The following PPP3CC variants were observed in gnomAD, a reference collection of about 807,000 sequenced individuals.
PPP3CC encodes protein phosphatase 3 catalytic subunit gamma.
A neutral mutation model predicts 60.3 loss-of-function variants in PPP3CC; 35 were observed. The ratio of observed to expected loss-of-function variants is 0.58; its 90% CI spans 0.44 to 0.77. The LOEUF (loss-of-function observed/expected upper bound fraction) is 0.77. Among genes scored for constraint, PPP3CC ranks in the 30% least tolerant of loss-of-function variants. The pLI is 0.00. For missense variants in PPP3CC, 570 were observed against 628.9 expected, an observed-to-expected ratio of 0.91 and a Z score of 1.00; for synonymous variants, 206 against 224.3, an observed-to-expected ratio of 0.92 and a Z score of 0.73.
At chr8:22,466,239 A>C (rs1837519204) in intron 1 of PPP3CC, among the ~76,000 whole-genome samples, 1 of 152,186 alleles carries the variant, frequency 6.6e-6, no homozygotes, top group Non-Finnish European at 1.5e-5. Context: ...TCTATCATTG[A>C]TGGACATTTG....
chr8:22,513,440 A>G lies in PPP3CC; in HGVS notation c.770+8A>G. On this transcript the variant is annotated splice_region_variant and intron_variant, in intron 6 of 13. Transcript: ENST00000240139. ...GTGCTCTTATTTCTACAGGTAAGCT[A>G]GTCCTTGAGGTCGAAAATTATGAAA... is the stretch of plus-strand genomic sequence containing the variant. 1.3e-6 allele frequency: 2 copies of G among 1,575,634 alleles called. No homozygotes were observed. The highest frequency in any genetic ancestry group is 8.6e-7 in the Non-Finnish European group (1 of 1,166,670).
chr8:22,501,087 A>T lies in PPP3CC; in HGVS notation c.484+2975A>T, dbSNP rs1261190571. 2.0e-5 allele frequency among the ~76,000 whole-genome samples: 3 copies of T among 152,190 alleles called. No homozygotes were observed. In the East Asian group the frequency reaches 5.8e-4, roughly 29 times the overall value. On this transcript the variant is annotated intron_variant, in intron 4 of 13. Transcript: ENST00000240139. ...TGAGGTGGGAGGATCACCTGAGCTC[A>T]GGAGTTTGTGGCTATAGTGAGTTGT...
At chr8:22,482,806 TC>T (rs1181033947) in intron 3 of PPP3CC, among the ~76,000 whole-genome samples, 2 of 152,222 alleles carry the variant, frequency 1.3e-5, no homozygotes, top group East Asian at 3.8e-4. Flanking sequence ...TATGAATGTT[TC>T]AATTCAGCTA....
chr8:22,527,598 C>G, intron 9 of PPP3CC, 81 bp downstream of exon 9: 1 of 1,447,966 alleles, frequency 6.9e-7, no homozygotes, highest in Non-Finnish European at 9.3e-7. Context: ...CTCCATGATT[C>G]AGAAATGTTT....
intron 1 of PPP3CC, among the ~76,000 whole-genome samples, chr8:22,462,250 GAAA>G (rs955507554): frequency 7.3e-5 from 11 of 151,550 alleles, no homozygotes; most frequent in African/African-American, 1.5e-4. Flanking sequence ...CTCTTAAAAA[GAAA>G]AAAAATAAGG....
chr8:22,449,090 G>A lies in PPP3CC; in HGVS notation c.49+7632G>A, dbSNP rs545534926. Among the ~76,000 whole-genome samples the A allele has an allele frequency of 6.6e-5, 10 of 152,132 alleles. No individual in the cohort carries two copies. The South Asian group carries it at 1.2e-3, about 19-fold the overall frequency. On this transcript the variant is annotated intron_variant, in intron 1 of 13. Coordinates refer to ENST00000240139, the MANE Select transcript of PPP3CC (RefSeq NM_005605.5). Reference sequence around the variant, plus strand: ...TGCACTACTGTGTTCCAGCTTGGGTGACACAGTGAGCACCCATCTCTATTT... The same window carrying A: ...TGCACTACTGTGTTCCAGCTTGGGTAACACAGTGAGCACCCATCTCTATTT...
chr8:22,475,256 C>T, intron 2 of PPP3CC, 105 bp downstream of exon 2: 9 of 1,155,212 alleles, frequency 7.8e-6, no homozygotes, highest in Non-Finnish European at 1.1e-5. Flanking sequence ...GGTAATTTTT[C>T]TAGAAATTAT....
intron 1 of PPP3CC, among the ~76,000 whole-genome samples, chr8:22,462,759 C>T (rs1429064052): frequency 6.6e-6 from 1 of 151,862 alleles, no homozygotes; most frequent in Admixed American, 6.6e-5. Flanking sequence ...TTAGTAGGGA[C>T]GGGGTTTCAC....
chr8:22,472,938 C>T (rs1014399375), intron 1 of PPP3CC, among the ~76,000 whole-genome samples: 3 of 152,072 alleles, frequency 2.0e-5, no homozygotes, highest in Admixed American at 6.6e-5. Flanking sequence ...AGGAGTTTTT[C>T]AGCTCCATTT....
At chr8:22,531,195 T>A (rs1250928619) in intron 10 of PPP3CC, 23 of 1,071,772 alleles carry the variant, frequency 2.1e-5, no homozygotes, top group Non-Finnish European at 3.0e-5. Context: ...GTTTCTCTCA[T>A]TGCATTTCAC....
chr8:22,488,296 A>T (rs1194915225), intron 3 of PPP3CC, among the ~76,000 whole-genome samples: 1 of 152,220 alleles, frequency 6.6e-6, no homozygotes, highest in East Asian at 1.9e-4. Context: ...AAAGCCACAC[A>T]AGGTTATTTA....
intron 4 of PPP3CC, among the ~76,000 whole-genome samples, chr8:22,505,501 A>G (rs1838888931): frequency 6.6e-6 from 1 of 152,142 alleles, no homozygotes; most frequent in Admixed American, 6.5e-5. Flanking sequence ...AGATTGATCT[A>G]ATTAGATTGT....
chr8:22,462,687 C>T (rs1248027559), intron 1 of PPP3CC, among the ~76,000 whole-genome samples: 2 of 152,044 alleles, frequency 1.3e-5, no homozygotes, highest in Non-Finnish European at 1.5e-5. Context: ...TCTCCTGCCT[C>T]AGCCTCCTGA....
intron 1 of PPP3CC, among the ~76,000 whole-genome samples, chr8:22,463,058 A>G (rs1479694055): frequency 6.6e-6 from 1 of 152,204 alleles, no homozygotes; most frequent in African/African-American, 2.4e-5. Context: ...ATATTTTGCC[A>G]AGGATAAGCA....
intron 3 of PPP3CC, among the ~76,000 whole-genome samples, chr8:22,477,161 T>A (rs948249455): frequency 1.2e-4 from 19 of 152,094 alleles, no homozygotes; most frequent in Non-Finnish European, 2.5e-4. Context: ...ATCATTCATG[T>A]TTCAGTAGAC....
chr8:22,465,277 G>T (rs1227297235), intron 1 of PPP3CC, among the ~76,000 whole-genome samples: 1 of 152,092 alleles, frequency 6.6e-6, no homozygotes, highest in Non-Finnish European at 1.5e-5. Flanking sequence ...TCTACTTCTT[G>T]ATAGGATAGG....
chr8:22,509,199 C>A (rs1839012229), intron 4 of PPP3CC, among the ~76,000 whole-genome samples: 1 of 152,212 alleles, frequency 6.6e-6, no homozygotes. Flanking sequence ...TATAGTACTG[C>A]AGTCTGGCCC....
At chr8:22,522,128 TACAC>T (rs1176847563) in intron 6 of PPP3CC, among the ~76,000 whole-genome samples, 1 of 119,232 alleles carries the variant, frequency 8.4e-6, no homozygotes, top group Admixed American at 8.5e-5. Context: ...TAGCATCTAC[TACAC>T]ACACACGCAC....
chr8:22,478,350 C>T (rs1837961509), intron 3 of PPP3CC, among the ~76,000 whole-genome samples: 1 of 151,988 alleles, frequency 6.6e-6, no homozygotes, highest in African/African-American at 2.4e-5. Flanking sequence ...TGGGGTTTCA[C>T]CATCTTGGCC....
Sources: allele counts gnomAD v4.1 joint callset (sites outside exome capture counted in the v4.1 genomes callset), GRCh38; gene constraint gnomAD v4.1.1; transcripts MANE v1.5; gene names NCBI Gene and HGNC (gene_info 2026-07-23, HGNC 2026-07-21).